NR0B2: variants seen among roughly 807,000 people sequenced by gnomAD.
The protein encoded by NR0B2 is nuclear receptor SHP.
In NR0B2, 17 loss-of-function variants were observed where a neutral mutation model predicts 18.9. The ratio of observed to expected loss-of-function variants is 0.90; its 90% CI spans 0.62 to 1.35. The LOEUF is 1.35. Among genes scored for constraint, NR0B2 ranks in the 40% most tolerant of loss-of-function variants. The probability of loss-of-function intolerance (pLI) is 0.00; values close to 1 mark genes in which losing one functional copy is unlikely to be tolerated. For synonymous variants in NR0B2, 116 were observed against 138.5 expected (o/e 0.84, Z 1.14); for missense variants, 312 against 333.3 (o/e 0.94, Z 0.50).
At position 26,913,571 on chromosome 1, in the gene NR0B2, C is replaced by G; in HGVS notation, c.370G>C (p.Glu124Gln). The G allele has an allele frequency of 6.2e-7, 1 of 1,614,114 alleles. No homozygotes were observed. The highest frequency in any genetic ancestry group is 8.5e-7 in the Non-Finnish European group (1 of 1,180,006). ...VPSILKKILL[E>Q]EPSSSGGSGQ... ...CTGCCTCCACTGCTGCTGGGCTCCT[C>G]CAGCAGAATCTTCTTGAGTATGCTG... The change falls in exon 1 of 2, where the codon GAG becomes CAG. Residue 124 changes from glutamate to glutamine, a missense_variant. Glu to Gln is a conservative substitution (Grantham distance 29, BLOSUM62 2). Transcript: ENST00000254227.
chr1:26,913,740 C>T lies in NR0B2; in HGVS notation c.201G>A (p.Val67=). The T allele has an allele frequency of 1.9e-6, 3 of 1,602,920 alleles. No individual in the cohort carries two copies. Among genetic ancestry groups the T allele is most frequent in the Non-Finnish European group, 2.6e-6 (3 of 1,173,040 alleles). The stretch of plus-strand genomic sequence containing the variant: ...AGGATGGCAGGTTCCTGAGGAAGGC[C>T]ACTGTCTTGGCCAGAACATCCAAGG... The part of the protein sequence containing the change: ...REALDVLAKT[V]AFLRNLPSFW... The change falls in exon 1 of 2, where the codon GTG becomes GTA. Residue 67 remains valine (V), a synonymous_variant. Transcript: ENST00000254227.
At chr1:26,913,025 G>A (rs980772571) in intron 1 of NR0B2, among the ~76,000 whole-genome samples, 4 of 152,220 alleles carry the variant, frequency 2.6e-5, no homozygotes, top group African/African-American at 9.6e-5. Context: ...GCTCACGCCT[G>A]TAATCCCAGC....
At chr1:26,913,185 C>T (rs1030352140) in intron 1 of NR0B2, among the ~76,000 whole-genome samples, 7 of 152,098 alleles carry the variant, frequency 4.6e-5, no homozygotes, top group African/African-American at 1.2e-4. Flanking sequence ...ACTCGGGAGG[C>T]TGAGGCAGAG....
Position 26,912,240 on chromosome 1 carries a change from T to G in NR0B2, c.533-154A>C, listed in dbSNP as rs111945539. Among the ~76,000 whole-genome samples, 608 of 152,120 alleles carry G rather than the reference T, an allele frequency of 4.0e-3. 5 individuals are homozygous for G. The highest frequency in any genetic ancestry group is 0.014 in the African/African-American group (586 of 41,482). ...CTACTACCTCCTCCTTTAGAGGAGG[T>G]AATTTATTTATCAATTTTCAATGTA... On this transcript the variant is annotated intron_variant, in intron 1 of 1. Coordinates refer to ENST00000254227, the MANE Select transcript of NR0B2 (RefSeq NM_021969.3).
In NR0B2 at chr1:26,913,928, G is replaced by C. The variant is rs147871331; in HGVS notation, c.13C>G (p.Gln5Glu). The C allele has an allele frequency of 8.6e-4, 1,273 of 1,476,718 alleles. 9 individuals are homozygous for C. In the African/African-American group the frequency reaches 0.015, roughly 18 times the overall value. 91.5% of individuals were successfully genotyped at this position (1,476,718 alleles called of 1,614,324 possible). A position where few individuals can be genotyped will look rare whatever the true frequency, so the allele number is the denominator to read the frequency against. ...CCCTGGCATGGGCAGGCCCCTGGTT[G>C]GCTGGTGCTCATGGTTAGGGATCTG... MSTS[Q>E]PGACPCQGAA... Residue 5 changes from glutamine to glutamate, a missense_variant, in exon 1 of 2, where the codon CAA becomes GAA. Coordinates refer to ENST00000254227, the MANE Select transcript of NR0B2 (RefSeq NM_021969.3).
chr1:26,911,835 C>T lies in NR0B2; in HGVS notation c.*10G>A, dbSNP rs561646628. The T allele has an allele frequency of 6.2e-7, 1 of 1,614,148 alleles. No individual in the cohort carries two copies. ...TCTGCCCACCTGATCTCTGCCTGGGCTGGAACAGGTCACCTGAGCAAAAGC... is the reference window on the plus strand; with the variant it reads ...TCTGCCCACCTGATCTCTGCCTGGGTTGGAACAGGTCACCTGAGCAAAAGC... On this transcript the variant is annotated 3_prime_UTR_variant, in exon 2 of 2. Transcript: ENST00000254227.
At position 26,913,845 on chromosome 1, in the gene NR0B2, G is replaced by C. The variant is rs778747105; in HGVS notation, c.96C>G (p.Val32=). 1.3e-6 allele frequency: 2 copies of C among 1,509,232 alleles called. No homozygotes were observed. The highest frequency in any genetic ancestry group is 1.8e-6 in the Non-Finnish European group (2 of 1,128,092). The allele number at this position is 1,509,232 out of a possible 1,614,324, so 93.5% of individuals were successfully genotyped here. A position where few individuals can be genotyped will look rare whatever the true frequency, so the allele number is the denominator to read the frequency against. ...ATAGGCAGCGGCTACGGGGTCGGGG[G>C]ACAGCCTTGAGGCTGGAGCTCAGAA... ...YALLSSSLKA[V]PRPRSRCLCR... Residue 32 remains valine, a synonymous_variant, in exon 1 of 2, where the codon GTC becomes GTG. Transcript: ENST00000254227.
chr1:26,913,708 T>A lies in NR0B2; in HGVS notation c.233A>T (p.Gln78Leu), dbSNP rs1168152526. The A allele has an allele frequency of 6.2e-7, 1 of 1,609,692 alleles. No individual in the cohort carries two copies. The highest frequency in any genetic ancestry group is 2.2e-5 in the East Asian group (1 of 44,746). ...CCGCCGCTGGTCCTGGGGAGGCAGCTGCCAGAAGGATGGCAGGTTCCTGAG... is the reference window on the plus strand; with the variant it reads ...CCGCCGCTGGTCCTGGGGAGGCAGCAGCCAGAAGGATGGCAGGTTCCTGAG... Reference protein sequence around the residue: ...AFLRNLPSFWQLPPQDQRRLL... With the variant: ...AFLRNLPSFWLLPPQDQRRLL... The change falls in exon 1 of 2, where the codon CAG (glutamine) becomes CTG (leucine). Residue 78 changes from glutamine (Q) to leucine (L), a missense_variant. Physicochemically the swap from Gln to Leu is moderately radical, Grantham distance 113. Transcript: ENST00000254227.
In NR0B2 at chr1:26,913,399, G is replaced by A. The variant is rs763792091; in HGVS notation, c.532+10C>T. On this transcript the variant is annotated intron_variant, in intron 1 of 1. Coordinates refer to ENST00000254227, the MANE Select transcript of NR0B2 (RefSeq NM_021969.3). ...CCTTGCCCCCCACCCAGGAGTGTCT[G>A]GGAGCTCACCGGGGTTGAAGAGGAT... 18 of 1,613,564 alleles carry A rather than the reference G, an allele frequency of 1.1e-5. No individual in the cohort carries two copies. The East Asian group carries it at 2.5e-4, about 22-fold the overall frequency.
In NR0B2 at chr1:26,913,808, G is replaced by A. The variant is rs374067965; in HGVS notation, c.133C>T (p.Arg45Trp). Residue 45 changes from arginine (R) to tryptophan (W), a missense_variant, in exon 1 of 2, where the codon CGG becomes TGG. By Grantham distance (101) the Arg-to-Trp change is moderately radical (BLOSUM62 -3). Coordinates refer to ENST00000254227, the MANE Select transcript of NR0B2 (RefSeq NM_021969.3). Reference protein sequence around the residue: ...PRSRCLCRQHRPVQLCAPHRT... With the variant: ...PRSRCLCRQHWPVQLCAPHRT... ...TGAGGTGCACATAGCTGGACGGGCC[G>A]GTGCTGCCTACATAGGCAGCGGCTA... The A allele has an allele frequency of 1.9e-5, 29 of 1,522,522 alleles. No individual in the cohort carries two copies. Among genetic ancestry groups the A allele is most frequent in the Middle Eastern group, 3.5e-4 (2 of 5,636 alleles). The allele number at this position is 1,522,522 out of a possible 1,614,324, so 94.3% of individuals were successfully genotyped here.
Position 26,911,870 on chromosome 1 carries a change from A to T in NR0B2, c.749T>A (p.Leu250His). 1.2e-6 allele frequency: 2 copies of T among 1,614,212 alleles called. No homozygotes were observed. The highest frequency in any genetic ancestry group is 1.7e-6 in the Non-Finnish European group (2 of 1,180,028). Residue 250 changes from leucine (L) to histidine (H), a missense_variant, in exon 2 of 2, where the codon CTT becomes CAT. By Grantham distance (99) the Leu-to-His change is moderately conservative. Transcript: ENST00000254227. ...IIGDVDIAGL[L>H]GDMLLLR ...TCACCTGAGCAAAAGCATGTCCCCA[A>T]GAAGGCCAGCGATGTCAACATCTCC...
chr1:26,913,648 A>C lies in NR0B2; in HGVS notation c.293T>G (p.Leu98Arg), dbSNP rs141864635. 4 of 1,613,622 alleles carry C rather than the reference A, an allele frequency of 2.5e-6. No individual in the cohort carries two copies. The highest frequency in any genetic ancestry group is 3.4e-6 in the Non-Finnish European group (4 of 1,179,944). Residue 98 changes from leucine (L) to arginine (R), a missense_variant, in exon 1 of 2, where the codon CTT (leucine) becomes CGT (arginine). Transcript: ENST00000254227. The part of the protein sequence containing the change: ...LQGCWGPLFL[L>R]GLAQDAVTFE... ...GGTCACAGCATCTTGGGCCAACCCA[A>C]GCAGGAAGAGGGGGCCCCAGCAACC...
intron 1 of NR0B2, among the ~76,000 whole-genome samples, chr1:26,913,051 G>A (rs1231485433): frequency 6.6e-6 from 1 of 152,236 alleles, no homozygotes; most frequent in Non-Finnish European, 1.5e-5. Context: ...GGGAGGCCAA[G>A]GTGGGTGGAT....
At position 26,913,560 on chromosome 1, in the gene NR0B2, G is replaced by A. The variant is rs1379010005; in HGVS notation, c.381C>T (p.Ser127=). ...GCAGTTGGCCACTGCCTCCACTGCTGCTGGGCTCCTCCAGCAGAATCTTCT... is the reference window on the plus strand; with the variant it reads ...GCAGTTGGCCACTGCCTCCACTGCTACTGGGCTCCTCCAGCAGAATCTTCT... The part of the protein sequence containing the change: ...ILKKILLEEP[S]SSGGSGQLPD... The change falls in exon 1 of 2, where the codon AGC becomes AGT. Residue 127 remains serine (S), a synonymous_variant. Transcript: ENST00000254227. 3 of 1,614,120 alleles carry A rather than the reference G, an allele frequency of 1.9e-6. 1 individual carries two copies. The Admixed American group carries it at 5.0e-5, about 27-fold the overall frequency.
chr1:26,913,102 T>G (rs1281598532), intron 1 of NR0B2, among the ~76,000 whole-genome samples: 1 of 152,118 alleles, frequency 6.6e-6, no homozygotes, highest in East Asian at 1.9e-4. Context: ...TTGATCAACA[T>G]GGTGAAAGCC....
rs751780945 is a variant in NR0B2, at chr1:26,913,835, G to A, written c.106C>T (p.Arg36Cys). The change falls in exon 1 of 2, where the codon CGT (arginine) becomes TGT (cysteine). Residue 36 changes from arginine to cysteine, a missense_variant. By Grantham distance (180) the Arg-to-Cys change is radical. Coordinates refer to ENST00000254227, the MANE Select transcript of NR0B2 (RefSeq NM_021969.3). ...TGCTGCCTACATAGGCAGCGGCTAC[G>A]GGGTCGGGGGACAGCCTTGAGGCTG... ...SSSLKAVPRP[R>C]SRCLCRQHRP... The A allele has an allele frequency of 1.3e-4, 195 of 1,508,806 alleles. No individual in the cohort carries two copies. Among genetic ancestry groups the A allele is most frequent in the Non-Finnish European group, 1.7e-4 (188 of 1,127,728 alleles). 93.5% of individuals were successfully genotyped at this position (1,508,806 alleles called of 1,614,324 possible).
At position 26,911,731 on chromosome 1, in the gene NR0B2, G is replaced by T; in HGVS notation, c.*114C>A. The T allele has an allele frequency of 8.0e-7, 1 of 1,244,608 alleles. No homozygotes were observed. Among genetic ancestry groups the T allele is most frequent in the Non-Finnish European group, 1.2e-6 (1 of 855,690 alleles). 77.1% of individuals were successfully genotyped at this position (1,244,608 alleles called of 1,614,324 possible). On this transcript the variant is annotated 3_prime_UTR_variant, in exon 2 of 2. Transcript: ENST00000254227. ...AAGAGCTGTTCCTAAGGAGCCAAGT[G>T]CTGTCTATACAGGCTTGCCCCCTCC...
At position 26,911,499 on chromosome 1, in the gene NR0B2, C is replaced by A; in HGVS notation, c.*346G>T. The A allele has an allele frequency of 1.4e-5, 5 of 352,412 alleles. No homozygotes were observed. The highest frequency in any genetic ancestry group is 1.2e-4 in the South Asian group (5 of 43,344). 21.8% of individuals were successfully genotyped at this position (352,412 alleles called of 1,614,324 possible). On this transcript the variant is annotated 3_prime_UTR_variant, in exon 2 of 2. Coordinates refer to ENST00000254227, the MANE Select transcript of NR0B2 (RefSeq NM_021969.3). Reference sequence around the variant, plus strand: ...AGTATCAGGCTCCAAGTGTTTCATACCTTTTATTACAAAAATCAATAACTT... The same window carrying A: ...AGTATCAGGCTCCAAGTGTTTCATAACTTTTATTACAAAAATCAATAACTT...
chr1:26,912,213 C>G, intron 1 of NR0B2, 127 bp from the exon 2 acceptor site: 1 of 1,006,414 alleles, frequency 9.9e-7, no homozygotes, highest in Non-Finnish European at 1.5e-6. Context: ...TTTGAGGTCC[C>G]ACTACTACCT....
Sources: allele counts gnomAD v4.1 joint callset (sites outside exome capture counted in the v4.1 genomes callset), GRCh38; gene constraint gnomAD v4.1.1; transcripts MANE v1.5; gene names NCBI Gene and HGNC (gene_info 2026-07-23, HGNC 2026-07-21).